Variants in ZNF521 observed in about 807,000 individuals in gnomAD.
The protein encoded by ZNF521 is LYST-interacting protein 3.
A neutral mutation model predicts 105.5 loss-of-function variants in ZNF521; 14 were observed. The ratio of observed to expected loss-of-function variants is 0.13; its 90% CI spans 0.09 to 0.21. The LOEUF is 0.21. Among genes scored for constraint, ZNF521 ranks in the 10% least tolerant of loss-of-function variants. The probability of loss-of-function intolerance (pLI) is 1.00; values close to 1 mark genes in which losing one functional copy is unlikely to be tolerated. For synonymous variants in ZNF521, 635 were observed against 606.0 expected, an observed-to-expected ratio of 1.05 and a Z score of -0.70; for missense variants, 1,233 against 1,629.7, an observed-to-expected ratio of 0.76 and a Z score of 4.19.
Position 25,121,734 on chromosome 18 carries a change from C to T in ZNF521, c.3659-29653G>A, listed in dbSNP as rs142983991. 3.6e-3 allele frequency among the ~76,000 whole-genome samples: 554 copies of T among 152,070 alleles called. 3 individuals are homozygous for T. The highest frequency in any genetic ancestry group is 0.012 in the African/African-American group (503 of 41,492). On this transcript the variant is annotated intron_variant, in intron 5 of 7. Coordinates refer to ENST00000361524, the MANE Select transcript of ZNF521 (RefSeq NM_015461.3). Reference sequence around the variant, plus strand: ...GCAGAAGGGTGTTGCATCAGTAGTGCGGAAAAATTAGCCCTAAATTAAAGG... The same window carrying T: ...GCAGAAGGGTGTTGCATCAGTAGTGTGGAAAAATTAGCCCTAAATTAAAGG...
chr18:25,226,513 C>A lies in ZNF521; in HGVS notation c.1405G>T (p.Val469Phe). 6.2e-7 allele frequency: 1 copy of A among 1,614,120 alleles called. No individual in the cohort carries two copies. Among genetic ancestry groups the A allele is most frequent in the Non-Finnish European group, 8.5e-7 (1 of 1,180,018 alleles). ...TAGACAATGGCAGGCATGGCAGAAA[C>A]AATCAGACCTGGGTCCTGAGCTTCA... ...VHEAQDPGLI[V>F]SAMPAIVYQC... is the part of the protein sequence containing the mutation. The change falls in exon 4 of 8, where the codon GTT becomes TTT. Residue 469 changes from valine (V) to phenylalanine (F), a missense_variant. By Grantham distance (50) the Val-to-Phe change is conservative. Around this residue, in one of 6 missense-constraint regions of ZNF521, gnomAD observed 380 missense variants for 478.0 expected, o/e 0.80. Coordinates refer to ENST00000361524, the MANE Select transcript of ZNF521 (RefSeq NM_015461.3). This position sits in a 1 kb window ranked among gnomAD's most constrained non-coding sequence, Gnocchi z 4.1.
At chr18:25,196,448 T>G (rs8082710) in intron 4 of ZNF521, among the ~76,000 whole-genome samples, 5,486 of 151,382 alleles carry the variant, frequency 0.036, 335 homozygotes, top group African/African-American at 0.12. Flanking sequence ...TTAGCATAAT[T>G]CAAGATTTAA....
intron 3 of ZNF521, chr18:25,302,188 C>G (rs2145072821): frequency 6.6e-6 from 1 of 151,726 alleles, no homozygotes; most frequent in East Asian, 1.9e-4. Context: ...CGTTTTTTCC[C>G]AATACCCATT....
intron 5 of ZNF521, among the ~76,000 whole-genome samples, chr18:25,107,379 T>C (rs1002114090): frequency 2.6e-5 from 4 of 152,194 alleles, no homozygotes; most frequent in African/African-American, 9.7e-5. Context: ...ATACAGATCT[T>C]ACTCTGTTTT....
chr18:25,335,995 A>G (rs1913858133), intron 2 of ZNF521, among the ~76,000 whole-genome samples: 1 of 152,196 alleles, frequency 6.6e-6, no homozygotes, highest in Admixed American at 6.5e-5. Context: ...GGGAAATTAA[A>G]ACAACCTGAA....
intron 3 of ZNF521, among the ~76,000 whole-genome samples, chr18:25,316,898 A>C (rs1036978002): frequency 4.3e-5 from 6 of 140,986 alleles, no homozygotes; most frequent in African/African-American, 1.6e-4. Flanking sequence ...CTTGTCGCCT[A>C]GGCTAGAGAG....
chr18:25,238,045 CA>C (rs1907045399), intron 3 of ZNF521, among the ~76,000 whole-genome samples: 1 of 152,088 alleles, frequency 6.6e-6, no homozygotes, highest in African/African-American at 2.4e-5. Context: ...CTTGTACTAA[CA>C]ATAGTAGTTG....
intron 3 of ZNF521, among the ~76,000 whole-genome samples, chr18:25,277,131 C>A (rs1001981737): frequency 6.7e-6 from 1 of 148,852 alleles, no homozygotes; most frequent in Non-Finnish European, 1.5e-5. Flanking sequence ...TGCAGTGAGC[C>A]GAGATTATGC....
intron 4 of ZNF521, among the ~76,000 whole-genome samples, chr18:25,210,910 A>C (rs1203635286): frequency 1.3e-5 from 2 of 152,226 alleles, no homozygotes; most frequent in Non-Finnish European, 2.9e-5. Context: ...CCAAATAACC[A>C]TATTTGTATA....
intron 3 of ZNF521, among the ~76,000 whole-genome samples, chr18:25,300,373 C>A (rs1408860517): frequency 6.6e-6 from 1 of 152,164 alleles, no homozygotes; most frequent in African/African-American, 2.4e-5. Flanking sequence ...GTAACAATTT[C>A]TATAGTACTT....
chr18:25,171,579 T>C (rs1223979268), intron 5 of ZNF521, among the ~76,000 whole-genome samples: 4 of 152,146 alleles, frequency 2.6e-5, no homozygotes, highest in African/African-American at 9.6e-5. Context: ...AGAACAAGTA[T>C]GTGATGGTTA....
At chr18:25,257,176 C>G (rs1030257948) in intron 3 of ZNF521, among the ~76,000 whole-genome samples, 2 of 152,130 alleles carry the variant, frequency 1.3e-5, no homozygotes, top group Non-Finnish European at 2.9e-5. Context: ...TGATCATCAA[C>G]TTAAGTAACA....
chr18:25,192,197 CT>C (rs1425620414), intron 5 of ZNF521, among the ~76,000 whole-genome samples: 2 of 152,074 alleles, frequency 1.3e-5, no homozygotes, highest in Admixed American at 6.6e-5. Context: ...GGGAGGTTTT[CT>C]TTTTTTCCTT....
chr18:25,308,121 G>C (rs1912079539), intron 3 of ZNF521, among the ~76,000 whole-genome samples: 1 of 143,246 alleles, frequency 7.0e-6, no homozygotes, highest in African/African-American at 2.6e-5. Flanking sequence ...AGAATCACTT[G>C]AACCCGGCAG....
intron 3 of ZNF521, among the ~76,000 whole-genome samples, chr18:25,316,117 C>T (rs1003534564): frequency 1.3e-4 from 19 of 151,738 alleles, no homozygotes; most frequent in Non-Finnish European, 2.4e-4. Context: ...ATGTCAGTAA[C>T]GACTTCAAGA....
chr18:25,268,403 G>C (rs943800679), intron 3 of ZNF521, among the ~76,000 whole-genome samples: 1 of 152,164 alleles, frequency 6.6e-6, no homozygotes, highest in East Asian at 1.9e-4. Flanking sequence ...AGCAAGACAG[G>C]CCAACATTCA....
chr18:25,141,221 A>C (rs2034841590), intron 5 of ZNF521, among the ~76,000 whole-genome samples: 1 of 152,164 alleles, frequency 6.6e-6, no homozygotes. Flanking sequence ...AATTAGAGGA[A>C]TTTTGTTCTC....
At chr18:25,086,926 T>C (rs1467554090) in intron 7 of ZNF521, among the ~76,000 whole-genome samples, 1 of 152,202 alleles carries the variant, frequency 6.6e-6, no homozygotes, top group African/African-American at 2.4e-5. Flanking sequence ...TGTGGTCTCC[T>C]AAACACTTAT....
intron 2 of ZNF521, 98 bp from the exon 3 acceptor site, chr18:25,322,285 C>T (rs756200832): frequency 4.8e-5 from 60 of 1,248,238 alleles, no homozygotes; most frequent in Admixed American, 4.2e-4. Flanking sequence ...CACCATTTTC[C>T]TTGAAGTTGC....
Sources: gnomAD v4.1 joint callset for allele counts (sites outside exome capture counted in the v4.1 genomes callset) on GRCh38, gnomAD v4.1.1 for gene constraint, gnomAD v4.1.1 regional missense constraint, Gnocchi (gnomAD v3.1) non-coding constraint, MANE v1.5 for transcripts, NCBI Gene and HGNC (gene_info 2026-07-23, HGNC 2026-07-21) for gene names.